The following PBRM1 variants were observed in gnomAD, a reference collection of about 807,000 sequenced individuals.
The protein encoded by PBRM1 is protein polybromo-1.
A neutral mutation model predicts 194.5 loss-of-function variants in PBRM1; 27 were observed. The ratio of observed to expected loss-of-function variants is 0.14; its 90% CI spans 0.10 to 0.19. The LOEUF (loss-of-function observed/expected upper bound fraction) is 0.19, where lower values mean the gene tolerates loss of function less well. Among genes scored for constraint, PBRM1 ranks in the 10% least tolerant of loss-of-function variants. The probability of loss-of-function intolerance (pLI) is 1.00; values close to 1 mark genes in which losing one functional copy is unlikely to be tolerated. For missense variants in PBRM1, 1,466 were observed against 2,077.2 expected (o/e 0.71, Z 5.72); for synonymous variants, 655 against 693.2 (o/e 0.94, Z 0.87).
chr3:52,564,035 T>C lies in PBRM1; in HGVS notation c.3875+15A>G, dbSNP rs773343832. The stretch of plus-strand genomic sequence containing the variant: ...ATGGAAGTGCTCTTTTTTCCTTAAG[T>C]TTTTCAAGCTTTACCTGAAGTAGTA... On this transcript the variant is annotated intron_variant, in intron 23 of 29. Transcript: ENST00000296302. 1.9e-6 allele frequency: 3 copies of C among 1,585,644 alleles called. No homozygotes were observed. Among genetic ancestry groups the C allele is most frequent in the Non-Finnish European group, 2.6e-6 (3 of 1,162,280 alleles).
chr3:52,668,386 C>T (rs187645448), intron 3 of PBRM1, 112 bp downstream of exon 4: 18 of 686,964 alleles, frequency 2.6e-5, no homozygotes, highest in Middle Eastern at 3.9e-4. Flanking sequence ...AATGCGAACT[C>T]AAGCCACAAA....
intron 15 of PBRM1, among the ~76,000 whole-genome samples, chr3:52,610,593 T>C (rs1351008803): frequency 6.6e-6 from 1 of 152,194 alleles, no homozygotes; most frequent in Non-Finnish European, 1.5e-5. Flanking sequence ...CTTCAAACAC[T>C]AGACAGTAAA....
exon 23 of PBRM1, chr3:52,564,174 C>T: frequency 1.2e-6 from 2 of 1,613,898 alleles, no homozygotes; most frequent in Non-Finnish European, 1.7e-6. Context: ...ATGTCATTTT[C>T]TGGTATTTCA....
At chr3:52,578,735 G>T (rs2090335002) in intron 21 of PBRM1, among the ~76,000 whole-genome samples, 1 of 152,226 alleles carries the variant, frequency 6.6e-6, no homozygotes, top group Non-Finnish European at 1.5e-5. Flanking sequence ...GCAACAGGGA[G>T]ACTTAACCCA....
At chr3:52,653,849 G>T in intron 5 of PBRM1, among the ~76,000 whole-genome samples, 1 of 152,138 alleles carries the variant, frequency 6.6e-6, no homozygotes, top group East Asian at 1.9e-4. Flanking sequence ...GGCAGAGGTT[G>T]CAGTGGGCTG....
Position 52,612,030 on chromosome 3 carries a change from C to A in PBRM1, c.1925-2075G>T, listed in dbSNP as rs139669809. ...ATCCCAGCACTTTGGGAGGCCGAGGCGGGCAGATCACGAGGTTAGGAGTTC... is the reference window on the plus strand; with the variant it reads ...ATCCCAGCACTTTGGGAGGCCGAGGAGGGCAGATCACGAGGTTAGGAGTTC... On this transcript the variant is annotated intron_variant, in intron 15 of 29. Transcript: ENST00000296302. Among the ~76,000 whole-genome samples, 780 of 151,396 alleles carry A rather than the reference C, an allele frequency of 5.2e-3. 9 individuals are homozygous for A. The highest frequency in any genetic ancestry group is 0.018 in the African/African-American group (742 of 41,274).
intron 25 of PBRM1, chr3:52,560,645 A>G (rs1172100080): frequency 6.6e-6 from 1 of 152,232 alleles, no homozygotes; most frequent in African/African-American, 2.4e-5. Context: ...GACAACACAC[A>G]TACGGGAATA....
At chr3:52,664,114 T>A (rs1577982405) in intron 3 of PBRM1, among the ~76,000 whole-genome samples, 1 of 150,602 alleles carries the variant, frequency 6.6e-6, no homozygotes, top group Admixed American at 6.6e-5. Context: ...CCTAGCTACT[T>A]AGGTGGCTGA....
At position 52,609,484 on chromosome 3, in the gene PBRM1, C is replaced by T. The variant is rs766182437; in HGVS notation, c.2396G>A (p.Cys799Tyr). 3.7e-6 allele frequency: 6 copies of T among 1,613,944 alleles called. No individual in the cohort carries two copies. The highest frequency in any genetic ancestry group is 4.2e-6 in the Non-Finnish European group (5 of 1,179,930). Reference sequence around the variant, plus strand: ...AATTTCTGCTAAAGAATCGCTGTAGCATCTTCCCTCATCATCCTGATGACT... The same window carrying T: ...AATTTCTGCTAAAGAATCGCTGTAGTATCTTCCCTCATCATCCTGATGACT... Residue 799 changes from cysteine (C) to tyrosine (Y), a missense_variant, in exon 16 of 30, where the codon TGC (cysteine) becomes TAC (tyrosine). Transcript: ENST00000296302. This position sits in a 1 kb window ranked among gnomAD's most constrained non-coding sequence, Gnocchi z 4.1.
intron 22 of PBRM1, among the ~76,000 whole-genome samples, chr3:52,571,912 C>T (rs1198295042): frequency 5.4e-5 from 8 of 147,726 alleles, no homozygotes; most frequent in Admixed American, 2.0e-4. Context: ...GTGGTACATC[C>T]CTATAGTCCC....
At chr3:52,669,848 A>T (rs1359265872) in intron 2 of PBRM1, among the ~76,000 whole-genome samples, 1 of 152,210 alleles carries the variant, frequency 6.6e-6, no homozygotes, top group Admixed American at 6.5e-5. Flanking sequence ...AAAACCAGGA[A>T]GTGAATGTTA....
intron 5 of PBRM1, among the ~76,000 whole-genome samples, chr3:52,652,696 AAAAT>A (rs2096529307): frequency 6.8e-6 from 1 of 147,954 alleles, no homozygotes; most frequent in African/African-American, 2.5e-5. Flanking sequence ...TCTCAAAAAA[AAAAT>A]AAATAATCTA....
intron 4 of PBRM1, among the ~76,000 whole-genome samples, chr3:52,660,871 C>T (rs1209185825): frequency 1.3e-5 from 2 of 152,242 alleles, no homozygotes; most frequent in South Asian, 2.1e-4. Context: ...TCACCCATCA[C>T]TGCTTCTCTG....
At chr3:52,648,129 G>C (rs1019742473) in intron 7 of PBRM1, among the ~76,000 whole-genome samples, 1 of 152,016 alleles carries the variant, frequency 6.6e-6, no homozygotes, top group Admixed American at 6.6e-5. Context: ...GGCTGGTCTG[G>C]AACGCCTGAC....
chr3:52,630,206 G>A (rs191865425), intron 11 of PBRM1, among the ~76,000 whole-genome samples: 9 of 151,834 alleles, frequency 5.9e-5, no homozygotes, highest in African/African-American at 1.5e-4. Context: ...GGGTAGTGGG[G>A]GAGGAAAAAG....
At chr3:52,567,974 TCACTG>T (rs1321021256) in intron 22 of PBRM1, among the ~76,000 whole-genome samples, 2 of 152,028 alleles carry the variant, frequency 1.3e-5, no homozygotes, top group African/African-American at 4.8e-5. Flanking sequence ...TGTTTAAGAA[TCACTG>T]GTAGTTTCTT....
chr3:52,619,018 G>A (rs1466579947), intron 13 of PBRM1, among the ~76,000 whole-genome samples: 1 of 152,142 alleles, frequency 6.6e-6, no homozygotes, highest in Admixed American at 6.5e-5. Context: ...CAAAGTGCTG[G>A]GATTACAGAC....
At chr3:52,620,036 A>G (rs1267191820) in intron 13 of PBRM1, among the ~76,000 whole-genome samples, 1 of 152,108 alleles carries the variant, frequency 6.6e-6, no homozygotes, top group Non-Finnish European at 1.5e-5. Flanking sequence ...TTGTTAGATG[A>G]TGGCAAAACG....
At chr3:52,682,706 C>T (rs919905463), upstream of PBRM1, among the ~76,000 whole-genome samples, 3 of 152,132 alleles carry the variant, frequency 2.0e-5, no homozygotes, top group East Asian at 1.9e-4. Flanking sequence ...AGTCTTCCAC[C>T]TCTGATTATC....
Sources: gnomAD v4.1 joint callset for allele counts (sites outside exome capture counted in the v4.1 genomes callset) on GRCh38, gnomAD v4.1.1 for gene constraint, Gnocchi (gnomAD v3.1) non-coding constraint, MANE v1.5 for transcripts, NCBI Gene and HGNC (gene_info 2026-07-23, HGNC 2026-07-21) for gene names.